Variants in GPC5 observed in about 807,000 individuals in gnomAD.
GPC5 encodes the protein glypican 5.
Under a neutral mutation model 53.9 loss-of-function variants are expected in GPC5, and 47 were observed. That is an observed-to-expected ratio of 0.87 (90% CI 0.69 to 1.11). GPC5 has a LOEUF of 1.11. GPC5 is among the 50% of genes most tolerant of loss of function. GPC5 has a pLI of 0.00. For synonymous variants in GPC5, 286 were observed against 263.3 expected, an observed-to-expected ratio of 1.09 and a Z score of -0.84; for missense variants, 748 against 713.1, an observed-to-expected ratio of 1.05 and a Z score of -0.56.
intron 7 of GPC5, among the ~76,000 whole-genome samples, chr13:92,520,326 A>C (rs1466487913): frequency 3.9e-5 from 6 of 152,154 alleles, no homozygotes; most frequent in African/African-American, 7.2e-5. Context: ...GACACAACAA[A>C]AAAAGAGAAT....
At chr13:92,075,519 G>T (rs982822431) in intron 6 of GPC5, among the ~76,000 whole-genome samples, 9 of 152,048 alleles carry the variant, frequency 5.9e-5, no homozygotes, top group African/African-American at 2.2e-4. Context: ...TATAAGGTAC[G>T]TTAATTGTAT....
intron 2 of GPC5, among the ~76,000 whole-genome samples, chr13:91,471,479 A>G (rs193191762): frequency 4.9e-4 from 75 of 152,250 alleles, no homozygotes; most frequent in African/African-American, 1.8e-3. Flanking sequence ...TTGCGATTGT[A>G]CTGGGATATA....
At chr13:91,761,032 A>G (rs141955862) in intron 5 of GPC5, among the ~76,000 whole-genome samples, 137 of 152,258 alleles carry the variant, frequency 9.0e-4, no homozygotes, top group Non-Finnish European at 1.7e-3. Context: ...TCTCTTCATT[A>G]CAAAACAACA....
intron 6 of GPC5, among the ~76,000 whole-genome samples, chr13:92,003,897 G>A (rs552593022): frequency 2.0e-5 from 3 of 152,234 alleles, no homozygotes; most frequent in African/African-American, 7.2e-5. Flanking sequence ...TGATCTGTGA[G>A]AAGATTAAAA....
intron 2 of GPC5, among the ~76,000 whole-genome samples, chr13:91,497,144 A>G (rs556471736): frequency 4.6e-5 from 7 of 152,282 alleles, no homozygotes; most frequent in East Asian, 3.8e-4. Context: ...ACTATTAAGA[A>G]AGATGTATGA....
intron 1 of GPC5, among the ~76,000 whole-genome samples, chr13:91,423,716 G>A (rs1410787772): frequency 1.3e-5 from 2 of 152,078 alleles, no homozygotes; most frequent in Non-Finnish European, 2.9e-5. Context: ...GGAAAAGAGT[G>A]GATTTTAAAT....
chr13:92,355,407 G>A (rs897906951), intron 7 of GPC5, among the ~76,000 whole-genome samples: 2 of 152,038 alleles, frequency 1.3e-5, no homozygotes, highest in South Asian at 4.2e-4. Flanking sequence ...TGGCTTTATC[G>A]CCCTTGTCTT....
chr13:91,693,586 T>C lies in GPC5; in HGVS notation c.725T>C (p.Leu242Pro). ...GAAGTCATCAACACCACAGACTATC[T>C]GCACTTCTCCAAAGAGTGCAGCAGA... ...GIEVINTTDY[L>P]HFSKECSRAL... is the part of the protein sequence containing the mutation. Residue 242 changes from leucine to proline, a missense_variant, in exon 3 of 8, where the codon CTG becomes CCG. By Grantham distance (98) the Leu-to-Pro change is moderately conservative (BLOSUM62 -3). Transcript: ENST00000377067. 6.2e-7 allele frequency: 1 copy of C among 1,614,122 alleles called. No individual in the cohort carries two copies. The highest frequency in any genetic ancestry group is 8.5e-7 in the Non-Finnish European group (1 of 1,180,010).
chr13:92,638,490 C>T (rs1448259494), intron 7 of GPC5, among the ~76,000 whole-genome samples: 4 of 152,112 alleles, frequency 2.6e-5, no homozygotes, highest in Non-Finnish European at 5.9e-5. Flanking sequence ...CATCTGGCTG[C>T]AGTCCCTGTA....
chr13:91,775,912 TAGAA>T (rs1330153335), intron 5 of GPC5, among the ~76,000 whole-genome samples: 2 of 152,310 alleles, frequency 1.3e-5, no homozygotes, highest in Middle Eastern at 3.4e-3. Context: ...ATCCATATGT[TAGAA>T]AGAGCAGGCA....
intron 6 of GPC5, among the ~76,000 whole-genome samples, chr13:92,013,805 T>A (rs986662753): frequency 6.6e-6 from 1 of 152,130 alleles, no homozygotes; most frequent in Non-Finnish European, 1.5e-5. Flanking sequence ...AACTTTAACA[T>A]GAAAAATTTT....
At chr13:92,256,230 A>T (rs1484898597) in intron 7 of GPC5, among the ~76,000 whole-genome samples, 3 of 151,916 alleles carry the variant, frequency 2.0e-5, no homozygotes, top group Admixed American at 6.6e-5. Flanking sequence ...AGACACTCCA[A>T]GATGGTGTCC....
intron 7 of GPC5, among the ~76,000 whole-genome samples, chr13:92,654,651 C>T (rs558007687): frequency 4.0e-5 from 6 of 151,730 alleles, no homozygotes; most frequent in Non-Finnish European, 7.4e-5. Context: ...TTGTTGAAAT[C>T]GTTTGACAAA....
At chr13:92,651,591 G>A (rs1885960743) in intron 7 of GPC5, among the ~76,000 whole-genome samples, 1 of 152,106 alleles carries the variant, frequency 6.6e-6, no homozygotes, top group African/African-American at 2.4e-5. Context: ...TTGTGGTTGG[G>A]ATCCTGGAAC....
chr13:91,571,281 T>G (rs544260836), intron 2 of GPC5, among the ~76,000 whole-genome samples: 23 of 152,274 alleles, frequency 1.5e-4, no homozygotes, highest in African/African-American at 5.5e-4. Flanking sequence ...GCTAATTCCT[T>G]GAAATGTTTC....
chr13:92,209,515 C>A (rs897258663), intron 7 of GPC5, among the ~76,000 whole-genome samples: 1 of 152,102 alleles, frequency 6.6e-6, no homozygotes, highest in Non-Finnish European at 1.5e-5. Flanking sequence ...ACTGCAAAAG[C>A]ATATAAAGAA....
intron 2 of GPC5, among the ~76,000 whole-genome samples, chr13:91,516,842 T>A (rs1247766201): frequency 6.6e-6 from 1 of 152,214 alleles, no homozygotes; most frequent in Non-Finnish European, 1.5e-5. Context: ...TCTTGACTTC[T>A]GTCCACCCAC....
intron 5 of GPC5, among the ~76,000 whole-genome samples, chr13:91,830,349 G>A (rs1472430100): frequency 2.6e-5 from 4 of 151,898 alleles, no homozygotes; most frequent in African/African-American, 9.7e-5. Context: ...TTTTTTCAAG[G>A]TGCCCAGATT....
At chr13:91,548,684 A>G (rs1303574106) in intron 2 of GPC5, among the ~76,000 whole-genome samples, 4 of 152,214 alleles carry the variant, frequency 2.6e-5, no homozygotes, top group South Asian at 2.1e-4. Flanking sequence ...TGGAGGACTG[A>G]CACTACCTGA....
Sources: allele counts gnomAD v4.1 joint callset (sites outside exome capture counted in the v4.1 genomes callset), GRCh38; gene constraint gnomAD v4.1.1; transcripts MANE v1.5; gene names NCBI Gene and HGNC (gene_info 2026-07-23, HGNC 2026-07-21).